SLC26A7: variants seen among roughly 807,000 people sequenced by gnomAD.
The protein encoded by SLC26A7 is anion exchange transporter.
A neutral mutation model predicts 82.5 loss-of-function variants in SLC26A7; 59 were observed. That is an observed-to-expected ratio of 0.72 (90% CI 0.58 to 0.89). The LOEUF is 0.89. SLC26A7 is among the 40% of genes least tolerant of loss of function. SLC26A7 has a pLI of 0.00. For missense variants in SLC26A7, 820 were observed against 793.0 expected (o/e 1.03, Z -0.41); for synonymous variants, 271 against 274.3 (o/e 0.99, Z 0.12).
intron 5 of SLC26A7, among the ~76,000 whole-genome samples, chr8:91,330,108 T>C (rs1407724040): frequency 6.6e-6 from 1 of 152,164 alleles, no homozygotes; most frequent in Non-Finnish European, 1.5e-5. Context: ...CTAATACGTT[T>C]ATTAATGTAT....
At position 91,363,547 on chromosome 8, in the gene SLC26A7, AGTTTT is replaced by A. The variant is rs762266613; in HGVS notation, c.1488+10_1488+14del. On this transcript the variant is annotated intron_variant, in intron 13 of 18. Coordinates refer to ENST00000276609, the MANE Select transcript of SLC26A7 (RefSeq NM_052832.4). ...AGACAGAAATGGACAGTGTAAGTTT[AGTTTT>A]ATTTTTCCTTTATGCAATTGTTAAT... 48 of 1,446,308 alleles carry A rather than the reference AGTTTT, an allele frequency of 3.3e-5. No homozygotes were observed. The highest frequency in any genetic ancestry group is 4.3e-5 in the Non-Finnish European group (45 of 1,056,900). 89.6% of individuals were successfully genotyped at this position (1,446,308 alleles called of 1,614,324 possible).
At chr8:91,327,352 G>T (rs940995998) in intron 5 of SLC26A7, among the ~76,000 whole-genome samples, 5 of 152,162 alleles carry the variant, frequency 3.3e-5, no homozygotes, top group Non-Finnish European at 5.9e-5. Context: ...GCTTCTGATA[G>T]AAGTACCATC....
intron 15 of SLC26A7, among the ~76,000 whole-genome samples, chr8:91,380,168 A>G (rs1814629287): frequency 6.6e-6 from 1 of 152,122 alleles, no homozygotes; most frequent in South Asian, 2.1e-4. Flanking sequence ...GATATAGGGC[A>G]ACAAGAAGTC....
intron 9 of SLC26A7, among the ~76,000 whole-genome samples, chr8:91,351,421 A>G (rs963798281): frequency 2.6e-5 from 4 of 152,190 alleles, no homozygotes; most frequent in African/African-American, 7.2e-5. Context: ...TTATTGCTCA[A>G]ACAACCTCCT....
At chr8:91,359,074 T>C (rs757914282) in intron 11 of SLC26A7, among the ~76,000 whole-genome samples, 1 of 152,146 alleles carries the variant, frequency 6.6e-6, no homozygotes. Context: ...GAACTTAAAG[T>C]ATAATAAAAA....
chr8:91,358,295 A>C (rs182752963), intron 11 of SLC26A7, among the ~76,000 whole-genome samples: 1 of 152,158 alleles, frequency 6.6e-6, no homozygotes, highest in African/African-American at 2.4e-5. Context: ...ATGCTGCTAT[A>C]AAGACACAGG....
At chr8:91,269,243 A>T (rs1389443598) in intron 2 of SLC26A7, among the ~76,000 whole-genome samples, 1 of 152,046 alleles carries the variant, frequency 6.6e-6, no homozygotes, top group Non-Finnish European at 1.5e-5. Context: ...TAGCTTAAAG[A>T]ACTTTCTTTA....
chr8:91,273,562 C>A (rs935340359), intron 2 of SLC26A7, among the ~76,000 whole-genome samples: 2 of 152,092 alleles, frequency 1.3e-5, no homozygotes, highest in African/African-American at 4.8e-5. Context: ...ATGAGACATA[C>A]AGTTCTCAGG....
intron 3 of SLC26A7, among the ~76,000 whole-genome samples, chr8:91,291,506 G>T (rs1251564826): frequency 6.6e-6 from 1 of 151,992 alleles, no homozygotes; most frequent in East Asian, 1.9e-4. Context: ...TAAAAAAGTT[G>T]TTTTAATACT....
chr8:91,332,876 A>G (rs1274729951), intron 5 of SLC26A7, among the ~76,000 whole-genome samples: 2 of 152,070 alleles, frequency 1.3e-5, no homozygotes, highest in Non-Finnish European at 2.9e-5. Context: ...TTATAAATAT[A>G]CTTTTATGTT....
chr8:91,363,410 T>G, intron 12 of SLC26A7, 62 bp from the exon 13 acceptor site: 1 of 1,068,656 alleles, frequency 9.4e-7, no homozygotes, highest in Non-Finnish European at 1.4e-6. Context: ...TTTTGGTTTC[T>G]TCATTGTTTA....
At chr8:91,343,299 C>A in intron 8 of SLC26A7, 54 bp from the exon 9 acceptor site, 1 of 1,146,912 alleles carries the variant, frequency 8.7e-7, no homozygotes, top group South Asian at 1.4e-5. Flanking sequence ...TACCTGTGGT[C>A]TCTAAAAGTC....
At position 91,313,475 on chromosome 8, in the gene SLC26A7, C is replaced by A. The variant is rs552083525; in HGVS notation, c.478-4741C>A. The stretch of plus-strand genomic sequence containing the variant: ...ACATAGAGGTTTTTTTCTCCCATAT[C>A]TCTGAACAGCACTAAATTGTTTTCC... On this transcript the variant is annotated intron_variant, in intron 4 of 18. Transcript: ENST00000276609. Among the ~76,000 whole-genome samples, 9 of 152,242 alleles carry A rather than the reference C, an allele frequency of 5.9e-5. No homozygotes were observed. In the East Asian group the frequency reaches 1.7e-3, roughly 29 times the overall value.
intron 3 of SLC26A7, among the ~76,000 whole-genome samples, chr8:91,292,292 C>T (rs1243640169): frequency 8.9e-5 from 13 of 146,728 alleles, no homozygotes; most frequent in Admixed American, 8.3e-4. Flanking sequence ...GGCGAGAGTG[C>T]GAGACTCTGT....
In SLC26A7 at chr8:91,326,498, A is replaced by G. The variant is rs578238846; in HGVS notation, c.643-7797A>G. On this transcript the variant is annotated intron_variant, in intron 5 of 18. Transcript: ENST00000276609. Reference sequence around the variant, plus strand: ...TGTCCTGATTCTTAGGAGGACGCCAATCATATTGGATTAGGGCCCACCCTA... The same window carrying G: ...TGTCCTGATTCTTAGGAGGACGCCAGTCATATTGGATTAGGGCCCACCCTA... Among the ~76,000 whole-genome samples, 3 of 152,230 alleles carry G rather than the reference A, an allele frequency of 2.0e-5. No individual in the cohort carries two copies. The South Asian group carries it at 6.2e-4, about 32-fold the overall frequency.
At chr8:91,228,450 G>A (rs1384925619) in intron 2 of SLC26A7, among the ~76,000 whole-genome samples, 2 of 152,116 alleles carry the variant, frequency 1.3e-5, no homozygotes, top group Non-Finnish European at 2.9e-5. Context: ...AGTGAGATGG[G>A]GCTTATTAAT....
chr8:91,257,625 T>G (rs1028824395), intron 2 of SLC26A7, among the ~76,000 whole-genome samples: 1 of 148,836 alleles, frequency 6.7e-6, no homozygotes. Context: ...AATAAAAAAA[T>G]AAAAAAAAAA....
chr8:91,211,519 T>A (rs1809918867), intron 1 of SLC26A7, among the ~76,000 whole-genome samples: 1 of 150,514 alleles, frequency 6.6e-6, no homozygotes, highest in Non-Finnish European at 1.5e-5. Flanking sequence ...GGGATGATAA[T>A]CAGATTAACC....
intron 15 of SLC26A7, among the ~76,000 whole-genome samples, chr8:91,377,474 G>A (rs1307872731): frequency 2.0e-5 from 3 of 152,322 alleles, no homozygotes; most frequent in Middle Eastern, 6.8e-3. Flanking sequence ...TGTAGGAGAT[G>A]TTTGCGGGCA....
Sources: allele counts gnomAD v4.1 joint callset (sites outside exome capture counted in the v4.1 genomes callset), GRCh38; gene constraint gnomAD v4.1.1; transcripts MANE v1.5; gene names NCBI Gene and HGNC (gene_info 2026-07-23, HGNC 2026-07-21).